Variants in NPY observed in about 807,000 individuals in gnomAD.
The protein encoded by NPY is neuropeptide Y.
NPY carries 11 observed loss-of-function variants against 13.2 expected under a neutral mutation model. That is an observed-to-expected ratio of 0.83 (90% CI 0.52 to 1.38). The LOEUF is 1.38. NPY is among the 40% of genes most tolerant of loss of function. The pLI is 0.00. For synonymous variants in NPY, 51 were observed against 55.6 expected, an observed-to-expected ratio of 0.92 and a Z score of 0.37; for missense variants, 109 against 125.1, an observed-to-expected ratio of 0.87 and a Z score of 0.61.
At chr7:24,287,505 ATAT>A (rs1461669069) in intron 2 of NPY, among the ~76,000 whole-genome samples, 1 of 126,418 alleles carries the variant, frequency 7.9e-6, no homozygotes, top group Non-Finnish European at 1.5e-5. Flanking sequence ...CTTTTGCTGT[ATAT>A]ATACCCCTGG....
Position 24,289,106 on chromosome 7 carries a change from A to G in NPY, c.189-393A>G, listed in dbSNP as rs150745498. Among the ~76,000 whole-genome samples the G allele has an allele frequency of 3.7e-4, 56 of 152,312 alleles. No homozygotes were observed. In the East Asian group the frequency reaches 0.01, roughly 27 times the overall value. On this transcript the variant is annotated intron_variant, in intron 2 of 3. Transcript: ENST00000242152. Reference sequence around the variant, plus strand: ...TAAACTGCTGTGTATCATCAGAACAATAGCCAATTAACTAATTGTGGAAAC... The same window carrying G: ...TAAACTGCTGTGTATCATCAGAACAGTAGCCAATTAACTAATTGTGGAAAC...
rs1251593824 is a variant in NPY, at chr7:24,285,247, G to A, written c.7G>A (p.Gly3Ser). The change falls in exon 2 of 4, where the codon GGT becomes AGT. Residue 3 changes from glycine to serine, a missense_variant. Gly to Ser is a moderately conservative substitution (Grantham distance 56, BLOSUM62 0). Transcript: ENST00000242152. The surrounding 1 kb of genome is among the most constrained non-coding windows in gnomAD (Gnocchi z 4.9). The stretch of plus-strand genomic sequence containing the variant: ...GAGCCTTCTGTGCCTGCAGATGCTA[G>A]GTAACAAGCGACTGGGGCTGTCCGG... ML[G>S]NKRLGLSGLT... is the part of the protein sequence containing the mutation. 2 of 1,614,050 alleles carry A rather than the reference G, an allele frequency of 1.2e-6. No individual in the cohort carries two copies. The highest frequency in any genetic ancestry group is 1.3e-5 in the African/African-American group (1 of 75,026).
chr7:24,285,523 C>A lies in NPY; in HGVS notation c.188+95C>A. The A allele has an allele frequency of 2.3e-6, 3 of 1,292,994 alleles. No individual in the cohort carries two copies. The highest frequency in any genetic ancestry group is 4.1e-5 in the Admixed American group (2 of 48,746). The allele number at this position is 1,292,994 out of a possible 1,614,324, so 80.1% of individuals were successfully genotyped here. On this transcript the variant is annotated intron_variant, in intron 2 of 3. Transcript: ENST00000242152. This position sits in a 1 kb window ranked among gnomAD's most constrained non-coding sequence, Gnocchi z 4.9. ...GGGAAAGGGATTGTTTCTTTTCCTTCGCTCTATCCCAGGGCAGGACAGTAT... is the reference window on the plus strand; with the variant it reads ...GGGAAAGGGATTGTTTCTTTTCCTTAGCTCTATCCCAGGGCAGGACAGTAT...
chr7:24,290,456 C>A (rs6950937), intron 3 of NPY, among the ~76,000 whole-genome samples: 1 of 152,090 alleles, frequency 6.6e-6, no homozygotes, highest in South Asian at 2.1e-4. Flanking sequence ...GAGGTCACTA[C>A]AACACTTGCT....
chr7:24,284,643 T>C (rs1406433020), intron 1 of NPY, among the ~76,000 whole-genome samples: 1 of 151,788 alleles, frequency 6.6e-6, no homozygotes, highest in South Asian at 2.1e-4. Flanking sequence ...GGTAGGAAGG[T>C]TTCCCCGGCA....
chr7:24,288,226 C>G (rs1787464131), intron 2 of NPY, among the ~76,000 whole-genome samples: 1 of 152,086 alleles, frequency 6.6e-6, no homozygotes, highest in Non-Finnish European at 1.5e-5. Flanking sequence ...ATTAGTAAAA[C>G]CAATGGATGG....
At chr7:24,290,775 A>AATAATAATATTTATTATTATT (rs10701264) in intron 3 of NPY, among the ~76,000 whole-genome samples, 1 of 129,638 alleles carries the variant, frequency 7.7e-6, no homozygotes, top group Non-Finnish European at 1.6e-5. Context: ...TAATAATAAT[A>AATAATAATATTTATTATTATT]ATTATTATTA....
chr7:24,284,607 G>A (rs532150132), intron 1 of NPY, among the ~76,000 whole-genome samples: 2 of 152,314 alleles, frequency 1.3e-5, no homozygotes, highest in South Asian at 4.1e-4. Flanking sequence ...GCGGGTCGCC[G>A]CCTTGAGGCC....
At chr7:24,290,935 T>C (rs1385675049) in intron 3 of NPY, among the ~76,000 whole-genome samples, 1 of 151,970 alleles carries the variant, frequency 6.6e-6, no homozygotes, top group African/African-American at 2.4e-5. Context: ...CCATAATGCC[T>C]GGCCAGGGTT....
Position 24,291,688 on chromosome 7 carries a change from T to G in NPY, c.*1T>G. 1.2e-6 allele frequency: 2 copies of G among 1,614,164 alleles called. No homozygotes were observed. The highest frequency in any genetic ancestry group is 1.7e-6 in the Non-Finnish European group (2 of 1,179,998). ...GCTTGAAGACCCTGCAATGTGGTGA[T>G]GGGAAATGAGACTTGCTCTCTGGCC... On this transcript the variant is annotated 3_prime_UTR_variant, in exon 4 of 4. Transcript: ENST00000242152.
intron 3 of NPY, among the ~76,000 whole-genome samples, chr7:24,291,217 G>T (rs1787587675): frequency 6.6e-6 from 1 of 152,086 alleles, no homozygotes; most frequent in Non-Finnish European, 1.5e-5. Context: ...TTGCCTATGA[G>T]TGCTATTTTA....
Position 24,285,119 on chromosome 7 carries a change from G to C in NPY, c.1-122G>C. 2.9e-6 allele frequency: 3 copies of C among 1,030,428 alleles called. No homozygotes were observed. Among genetic ancestry groups the C allele is most frequent in the Non-Finnish European group, 4.4e-6 (3 of 674,618 alleles). The allele number at this position is 1,030,428 out of a possible 1,614,324, so 63.8% of individuals were successfully genotyped here. On this transcript the variant is annotated intron_variant, in intron 1 of 3. Coordinates refer to ENST00000242152, the MANE Select transcript of NPY (RefSeq NM_000905.4). This position sits in a 1 kb window ranked among gnomAD's most constrained non-coding sequence, Gnocchi z 4.9. Reference sequence around the variant, plus strand: ...TGGGTTCTCTCTGCGGGACTGGGACGAGAGCGGATTGGGGGTCGCGTGTGG... The same window carrying C: ...TGGGTTCTCTCTGCGGGACTGGGACCAGAGCGGATTGGGGGTCGCGTGTGG...
chr7:24,289,614 G>A (rs779220659), intron 3 of NPY, 35 bp downstream of exon 3: 2 of 1,550,450 alleles, frequency 1.3e-6, no homozygotes, highest in Non-Finnish European at 8.8e-7. Context: ...CATTGTTGCA[G>A]AGCTCAAGGT....
chr7:24,287,354 C>T (rs1311472772), intron 2 of NPY, among the ~76,000 whole-genome samples: 1 of 152,114 alleles, frequency 6.6e-6, no homozygotes, highest in Non-Finnish European at 1.5e-5. Context: ...GACACCCACT[C>T]CTATGTGCGT....
chr7:24,288,605 T>C (rs987174330), intron 2 of NPY, among the ~76,000 whole-genome samples: 3 of 150,198 alleles, frequency 2.0e-5, no homozygotes, highest in African/African-American at 4.9e-5. Context: ...TGTAGTGTTC[T>C]GGAGTGGGGA....
At position 24,285,162 on chromosome 7, in the gene NPY, C is replaced by T. The variant is rs1268620398; in HGVS notation, c.1-79C>T. On this transcript the variant is annotated intron_variant, in intron 1 of 3. Coordinates refer to ENST00000242152, the MANE Select transcript of NPY (RefSeq NM_000905.4). This position sits in a 1 kb window ranked among gnomAD's most constrained non-coding sequence, Gnocchi z 4.9. ...GCGTGTGGTAGCAGGAGGAGGAGCGCGGGGGGCAGAGGAGGGAGGTGCTGC... is the reference window on the plus strand; with the variant it reads ...GCGTGTGGTAGCAGGAGGAGGAGCGTGGGGGGCAGAGGAGGGAGGTGCTGC... 7 of 1,452,454 alleles carry T rather than the reference C, an allele frequency of 4.8e-6. No individual in the cohort carries two copies. In the Middle Eastern group the frequency reaches 5.5e-4, roughly 113 times the overall value. 90.0% of individuals were successfully genotyped at this position (1,452,454 alleles called of 1,614,324 possible). A position where few individuals can be genotyped will look rare whatever the true frequency, so the allele number is the denominator to read the frequency against.
At chr7:24,291,537 T>G (rs574047318) in intron 3 of NPY, 126 bp from the exon 4 acceptor site, 1 of 1,046,222 alleles carries the variant, frequency 9.6e-7, no homozygotes, top group Non-Finnish European at 1.4e-6. Flanking sequence ...TTATTTAGAA[T>G]GCCAACAGGA....
intron 2 of NPY, 86 bp from the exon 3 acceptor site, chr7:24,289,413 T>A (rs930002735): frequency 1.2e-6 from 1 of 854,442 alleles, no homozygotes. Context: ...TTAGTTTTCA[T>A]ATCCCAAATA....
Position 24,290,775 on chromosome 7 carries a change from A to AATAATAATAATAATAATT in NPY, c.270-886_270-885insAATAATAATAATAATTAT, listed in dbSNP as rs10701264. Among the ~76,000 whole-genome samples the AATAATAATAATAATAATT allele has an allele frequency of 3.4e-4, 44 of 129,626 alleles. No homozygotes were observed. The South Asian group carries it at 5.6e-3, about 16-fold the overall frequency. The allele number at this position is 129,626 out of a possible 152,430, so 85.0% of individuals were successfully genotyped here. On this transcript the variant is annotated intron_variant, in intron 3 of 3. Transcript: ENST00000242152. ...TTTTTAATTAAATAATAATAATAAT[A>AATAATAATAATAATAATT]ATTATTATTATTATTCAGAGACAAG...
Sources: allele counts gnomAD v4.1 joint callset (sites outside exome capture counted in the v4.1 genomes callset), GRCh38; gene constraint gnomAD v4.1.1; non-coding constraint Gnocchi (gnomAD v3.1); transcripts MANE v1.5; gene names NCBI Gene and HGNC (gene_info 2026-07-23, HGNC 2026-07-21).